Variants in DLAT observed in about 807,000 individuals in gnomAD.
DLAT encodes dihydrolipoamide S-acetyltransferase.
DLAT carries 43 observed loss-of-function variants against 68.0 expected under a neutral mutation model. The ratio of observed to expected loss-of-function variants is 0.63; its 90% CI spans 0.50 to 0.81. The LOEUF (loss-of-function observed/expected upper bound fraction) is 0.81, where lower values mean the gene tolerates loss of function less well. Ranked by LOEUF, DLAT falls within the 40% of genes least tolerant of loss-of-function variation. The pLI, the probability that DLAT is intolerant of heterozygous loss-of-function variation, is 0.00. For missense variants in DLAT, 745 were observed against 815.4 expected (o/e 0.91, Z 1.05); for synonymous variants, 265 against 288.6 (o/e 0.92, Z 0.83).
At chr11:112,030,240 A>G (rs1862320970) in intron 4 of DLAT, 3 of 576,146 alleles carry the variant, frequency 5.2e-6, no homozygotes, top group Non-Finnish European at 1.0e-5. Flanking sequence ...GAACTACCCA[A>G]AGTTCTCGGT....
chr11:112,052,249 CCAAA>C (rs1322255400), intron 11 of DLAT, among the ~76,000 whole-genome samples: 1 of 152,070 alleles, frequency 6.6e-6, no homozygotes, highest in Non-Finnish European at 1.5e-5. Context: ...CACACACCAA[CCAAA>C]CAATTAATTC....
chr11:112,030,385 G>T (rs587646595), intron 4 of DLAT: 2 of 378,876 alleles, frequency 5.3e-6, no homozygotes, highest in South Asian at 2.0e-5. Context: ...ACCCGGAAAC[G>T]GAAGTCGGGG....
intron 7 of DLAT, among the ~76,000 whole-genome samples, chr11:112,041,652 G>A (rs1049584574): frequency 6.6e-6 from 1 of 152,200 alleles, no homozygotes; most frequent in Non-Finnish European, 1.5e-5. Flanking sequence ...GGAGGCCGAG[G>A]CAGGTGGATC....
intron 13 of DLAT, chr11:112,061,484 G>T (rs904812735): frequency 2.1e-5 from 7 of 330,264 alleles, no homozygotes; most frequent in Non-Finnish European, 3.4e-5. Context: ...TTACTTTCTG[G>T]ATATTTTGAT....
chr11:112,025,895 T>C lies in DLAT; in HGVS notation c.279+144T>C, dbSNP rs587632358. On this transcript the variant is annotated intron_variant, in intron 1 of 13. Coordinates refer to ENST00000280346, the MANE Select transcript of DLAT (RefSeq NM_001931.5). ...CCCTTTGTCCAATAGTTGGCTTTGC[T>C]GTAGCTCCTTAGTGTCCCTCTCATG... 3.3e-5 allele frequency: 36 copies of C among 1,084,364 alleles called. No homozygotes were observed. In the African/African-American group the frequency reaches 5.4e-4, roughly 16 times the overall value. The allele number at this position is 1,084,364 out of a possible 1,614,324, so 67.2% of individuals were successfully genotyped here. A position where few individuals can be genotyped will look rare whatever the true frequency, so the allele number is the denominator to read the frequency against.
intron 13 of DLAT, 97 bp from the exon 14 acceptor site, chr11:112,062,309 G>A: frequency 1.5e-6 from 2 of 1,299,422 alleles, no homozygotes; most frequent in Non-Finnish European, 2.2e-6. Flanking sequence ...GTATTACCTG[G>A]TTGGGATTAT....
chr11:112,037,144 A>T, intron 5 of DLAT, 129 bp from the exon 6 acceptor site: 1 of 802,096 alleles, frequency 1.2e-6, no homozygotes, highest in Non-Finnish European at 2.1e-6. Context: ...ACAGAAGGTT[A>T]AATAGGTTGC....
rs782574521 is a variant in DLAT, at chr11:112,062,436, A to C, written c.1845A>C (p.Thr615=). 5.0e-6 allele frequency: 8 copies of C among 1,612,656 alleles called. No individual in the cohort carries two copies. The East Asian group carries it at 1.8e-4, about 36-fold the overall frequency. Residue 615 remains threonine (T), a synonymous_variant, in exon 14 of 14, where the codon ACA becomes ACC. Transcript: ENST00000280346. The part of the protein sequence containing the change: ...GFDVASMMSV[T]LSCDHRVVDG... ...ATGTGGCTAGCATGATGTCTGTTAC[A>C]CTCAGTTGTGATCACCGGGTGGTGG...
chr11:112,058,359 C>T (rs1012702851), intron 11 of DLAT, among the ~76,000 whole-genome samples: 9 of 152,080 alleles, frequency 5.9e-5, no homozygotes, highest in Non-Finnish European at 1.3e-4. Flanking sequence ...AGAGCAGGTT[C>T]CTGTGTTTGT....
rs1364422586 is a variant in DLAT at position 112,037,382 on chromosome 11, T to C, written c.897T>C (p.Asp299=). 6.2e-7 allele frequency: 1 copy of C among 1,614,210 alleles called. No individual in the cohort carries two copies. Among genetic ancestry groups the C allele is most frequent in the Non-Finnish European group, 8.5e-7 (1 of 1,180,028 alleles). Residue 299 remains aspartate, a synonymous_variant, in exon 6 of 14, where the codon GAT becomes GAC. Coordinates refer to ENST00000280346, the MANE Select transcript of DLAT (RefSeq NM_001931.5). The stretch of plus-strand genomic sequence containing the variant: ...GTATCATTGTAGAAAAAGAGGCAGA[T>C]ATATCAGCATTTGCTGACTATAGGC... ...PLCIIVEKEA[D]ISAFADYRPT...
chr11:112,028,420 C>CAAA (rs148561787), intron 2 of DLAT, 95 bp from the exon 3 acceptor site: 560 of 819,288 alleles, frequency 6.8e-4, no homozygotes, highest in Non-Finnish European at 7.8e-4. Flanking sequence ...CTCTGTGTCT[C>CAAA]AAAAAAAAAA....
At position 112,033,802 on chromosome 11, in the gene DLAT, T is replaced by C. The variant is rs694747; in HGVS notation, c.787+272T>C. Among the ~76,000 whole-genome samples, 76,497 of 152,108 alleles carry C rather than the reference T, an allele frequency of 0.5. 21,580 individuals carry two copies. The highest frequency in any genetic ancestry group is 0.78 in the African/African-American group (32,227 of 41,518). ...GCAAGATCATAGCTCATTGTAGCCT[T>C]GAACTCCTGGGCTTATGCCCAAATG... On this transcript the variant is annotated intron_variant, in intron 5 of 13. Coordinates refer to ENST00000280346, the MANE Select transcript of DLAT (RefSeq NM_001931.5).
At position 112,033,386 on chromosome 11, in the gene DLAT, A is replaced by G; in HGVS notation, c.661-18A>G. On this transcript the variant is annotated intron_variant, in intron 4 of 13. Coordinates refer to ENST00000280346, the MANE Select transcript of DLAT (RefSeq NM_001931.5). ...AGTCTTCCTGGTATTAAGCAATAAT[A>G]TGTGTTTGTTTCTGCAGGTACTTCT... 1 of 1,612,344 alleles carries G rather than the reference A, an allele frequency of 6.2e-7. No homozygotes were observed. The highest frequency in any genetic ancestry group is 8.5e-7 in the Non-Finnish European group (1 of 1,179,042).
chr11:112,051,809 T>C lies in DLAT; in HGVS notation c.1514+460T>C, dbSNP rs587717283. On this transcript the variant is annotated intron_variant, in intron 11 of 13. Transcript: ENST00000280346. This position sits in a 1 kb window ranked among gnomAD's most constrained non-coding sequence, Gnocchi z 4.3. ...GAACAAATATGTGTAATTAAGTTGA[T>C]AATGACTGTCACAAAGCAGGGTTAA... is the stretch of plus-strand genomic sequence containing the variant. Among the ~76,000 whole-genome samples, 1 of 152,320 alleles carries C rather than the reference T, an allele frequency of 6.6e-6. No homozygotes were observed. The highest frequency in any genetic ancestry group is 2.4e-5 in the African/African-American group (1 of 41,562).
chr11:112,037,140 G>A, intron 5 of DLAT, 133 bp from the exon 6 acceptor site: 1 of 772,940 alleles, frequency 1.3e-6, no homozygotes, highest in African/African-American at 1.7e-5. Context: ...AGACACAGAA[G>A]GTTAAATAGG....
chr11:112,058,732 A>G (rs1864308776), intron 11 of DLAT, among the ~76,000 whole-genome samples: 1 of 152,014 alleles, frequency 6.6e-6, no homozygotes, highest in East Asian at 1.9e-4. Context: ...TCTGGTGACC[A>G]ATAAAAATCA....
At chr11:112,039,491 T>G in intron 7 of DLAT, 94 bp downstream of exon 7, 1 of 1,283,892 alleles carries the variant, frequency 7.8e-7, no homozygotes, top group South Asian at 1.2e-5. Flanking sequence ...ATAGCCGTAC[T>G]TATAATTGGG....
At chr11:112,038,398 C>T (rs587603880) in intron 6 of DLAT, among the ~76,000 whole-genome samples, 13 of 151,266 alleles carry the variant, frequency 8.6e-5, no homozygotes, top group African/African-American at 1.9e-4. Context: ...GGGGTTTCAC[C>T]GTGTTGGCCA....
intron 11 of DLAT, among the ~76,000 whole-genome samples, chr11:112,055,708 C>T (rs782591193): frequency 6.6e-6 from 1 of 151,686 alleles, no homozygotes; most frequent in East Asian, 1.9e-4. Flanking sequence ...CTATGGCCAC[C>T]GTGATGATCG....
Sources: allele counts gnomAD v4.1 joint callset (sites outside exome capture counted in the v4.1 genomes callset), GRCh38; gene constraint gnomAD v4.1.1; non-coding constraint Gnocchi (gnomAD v3.1); transcripts MANE v1.5; gene names NCBI Gene and HGNC (gene_info 2026-07-23, HGNC 2026-07-21).